THEMIS: variants seen among roughly 807,000 people sequenced by gnomAD.
The protein encoded by THEMIS is protein THEMIS.
In THEMIS, 37 loss-of-function variants were observed where a neutral mutation model predicts 52.6. The ratio of observed to expected loss-of-function variants is 0.70; its 90% CI spans 0.54 to 0.93. THEMIS has a LOEUF of 0.93. Ranked by LOEUF, THEMIS falls within the 40% of genes least tolerant of loss-of-function variation. The probability of loss-of-function intolerance (pLI) is 0.00; values close to 1 mark genes in which losing one functional copy is unlikely to be tolerated. For synonymous variants in THEMIS, 292 were observed against 272.7 expected, an observed-to-expected ratio of 1.07 and a Z score of -0.70; for missense variants, 808 against 763.1, an observed-to-expected ratio of 1.06 and a Z score of -0.69.
intron 4 of THEMIS, among the ~76,000 whole-genome samples, chr6:127,788,852 C>T (rs1777063702): frequency 6.6e-6 from 1 of 151,996 alleles, no homozygotes; most frequent in African/African-American, 2.4e-5. Context: ...TAAAAACATA[C>T]CATAATCTCT....
chr6:127,750,131 C>T (rs1164735285), intron 4 of THEMIS, among the ~76,000 whole-genome samples: 4 of 150,996 alleles, frequency 2.6e-5, no homozygotes, highest in Non-Finnish European at 5.9e-5. Context: ...TCTCAATCAA[C>T]TAACTTTGTT....
At chr6:127,803,624 T>C (rs1777608750) in intron 4 of THEMIS, among the ~76,000 whole-genome samples, 1 of 152,198 alleles carries the variant, frequency 6.6e-6, no homozygotes, top group Non-Finnish European at 1.5e-5. Flanking sequence ...TCCTGAAACT[T>C]ATTTCAGCTA....
chr6:127,918,438 A>C (rs1781569981), exon 1 of THEMIS: 1 of 152,174 alleles, frequency 6.6e-6, no homozygotes, highest in Non-Finnish European at 1.5e-5. Context: ...CTTTGATCAG[A>C]GAGGCTGATG....
intron 2 of THEMIS, among the ~76,000 whole-genome samples, chr6:127,850,764 A>G (rs1421930744): frequency 6.6e-6 from 1 of 151,682 alleles, no homozygotes; most frequent in Admixed American, 6.6e-5. Context: ...AGGGATTAAA[A>G]GACTACATAT....
At chr6:127,915,925 T>G (rs1049745539) in intron 1 of THEMIS, among the ~76,000 whole-genome samples, 2 of 152,282 alleles carry the variant, frequency 1.3e-5, no homozygotes, top group East Asian at 3.9e-4. Context: ...AGGCAGAGGT[T>G]GCAGTGAGCC....
Position 127,870,988 on chromosome 6 carries a change from A to G in THEMIS, c.92-15800T>C, listed in dbSNP as rs562906530. Among the ~76,000 whole-genome samples, 8 of 152,288 alleles carry G rather than the reference A, an allele frequency of 5.3e-5. No homozygotes were observed. In the South Asian group the frequency reaches 8.3e-4, roughly 16 times the overall value. On this transcript the variant is annotated intron_variant, in intron 1 of 5. Coordinates refer to ENST00000368248, the MANE Select transcript of THEMIS (RefSeq NM_001010923.3). ...GAACTCCACAACATCATCAAACAAC[A>G]TAATCAAATCTTCCTTTATAGAACA...
intron 4 of THEMIS, among the ~76,000 whole-genome samples, chr6:127,761,956 T>C (rs907421487): frequency 6.6e-6 from 1 of 152,182 alleles, no homozygotes; most frequent in African/African-American, 2.4e-5. Context: ...AGCACTTCTA[T>C]GTTCGTTGCA....
chr6:127,775,730 A>T (rs2114459607), intron 4 of THEMIS, among the ~76,000 whole-genome samples: 1 of 152,162 alleles, frequency 6.6e-6, no homozygotes, highest in East Asian at 1.9e-4. Context: ...GAAATGATAC[A>T]GTATTTACTC....
At chr6:127,771,462 C>A (rs529934540) in intron 4 of THEMIS, among the ~76,000 whole-genome samples, 5 of 152,182 alleles carry the variant, frequency 3.3e-5, no homozygotes, top group East Asian at 3.9e-4. Context: ...CCAAGACAAT[C>A]CTAAGCAAAA....
chr6:127,777,068 G>C (rs1776589456), intron 4 of THEMIS, among the ~76,000 whole-genome samples: 1 of 151,444 alleles, frequency 6.6e-6, no homozygotes, highest in Non-Finnish European at 1.5e-5. Context: ...ATTTTCTGTA[G>C]ACAGCATACA....
At chr6:127,875,084 A>C (rs987525423) in intron 1 of THEMIS, among the ~76,000 whole-genome samples, 1 of 152,242 alleles carries the variant, frequency 6.6e-6, no homozygotes, top group African/African-American at 2.4e-5. Flanking sequence ...TGATAAATGT[A>C]GTGTGTACTT....
chr6:127,908,536 C>T (rs527628106), intron 1 of THEMIS, among the ~76,000 whole-genome samples: 210 of 152,248 alleles, frequency 1.4e-3, no homozygotes, highest in African/African-American at 4.9e-3. Flanking sequence ...AAATGTCTTG[C>T]AAAGTGCAAT....
intron 4 of THEMIS, among the ~76,000 whole-genome samples, chr6:127,762,687 C>G (rs1304757517): frequency 6.6e-6 from 1 of 152,050 alleles, no homozygotes; most frequent in East Asian, 1.9e-4. Context: ...ATTAAAATAA[C>G]TGTCACCATC....
chr6:127,752,555 G>T (rs1031580000), intron 4 of THEMIS, among the ~76,000 whole-genome samples: 1 of 151,476 alleles, frequency 6.6e-6, no homozygotes, highest in African/African-American at 2.4e-5. Context: ...AGAAGAAAGA[G>T]ATTTATTCCT....
intron 4 of THEMIS, among the ~76,000 whole-genome samples, chr6:127,811,985 G>A (rs1408579384): frequency 6.6e-6 from 1 of 152,190 alleles, no homozygotes; most frequent in Non-Finnish European, 1.5e-5. Context: ...TATACTTGAA[G>A]CCTAAGGCTG....
chr6:127,785,220 T>TTATC (rs71028106), intron 4 of THEMIS, among the ~76,000 whole-genome samples: 11,132 of 93,790 alleles, frequency 0.12, 962 homozygotes, highest in East Asian at 0.35. Context: ...ATTATCTATC[T>TTATC]TATCTATCTA....
chr6:127,910,657 A>G (rs868319793), intron 1 of THEMIS, among the ~76,000 whole-genome samples: 8 of 152,308 alleles, frequency 5.3e-5, no homozygotes, highest in Middle Eastern at 6.8e-3. Context: ...AGGTTATAGA[A>G]TCATAGAAAA....
chr6:127,893,670 C>T (rs187076504), intron 1 of THEMIS, among the ~76,000 whole-genome samples: 49 of 152,128 alleles, frequency 3.2e-4, no homozygotes, highest in Non-Finnish European at 2.5e-4. Context: ...TTGTCAACGG[C>T]GAGTATTCAA....
At chr6:127,854,468 T>C (rs1357232518) in intron 2 of THEMIS, among the ~76,000 whole-genome samples, 1 of 151,732 alleles carries the variant, frequency 6.6e-6, no homozygotes. Context: ...CAACATACTA[T>C]GGGAACATAA....
Sources: allele counts gnomAD v4.1 joint callset (sites outside exome capture counted in the v4.1 genomes callset), GRCh38; gene constraint gnomAD v4.1.1; transcripts MANE v1.5; gene names NCBI Gene and HGNC (gene_info 2026-07-23, HGNC 2026-07-21).